Variants in PDZD4 observed in about 807,000 individuals in gnomAD.
PDZD4 encodes the protein PDZ domain containing 4.
A neutral mutation model predicts 38.5 loss-of-function variants in PDZD4; 9 were observed. That is an observed-to-expected ratio of 0.23 (90% CI 0.14 to 0.41). The LOEUF (loss-of-function observed/expected upper bound fraction) is 0.41, where lower values mean the gene tolerates loss of function less well. Among genes scored for constraint, PDZD4 ranks in the 10% least tolerant of loss-of-function variants. The pLI, the probability that PDZD4 is intolerant of heterozygous loss-of-function variation, is 1.00. For missense variants in PDZD4, 612 were observed against 722.0 expected, an observed-to-expected ratio of 0.85 and a Z score of 1.75; for synonymous variants, 349 against 315.7, an observed-to-expected ratio of 1.11 and a Z score of -1.12.
At chrX:153,818,362 T>C (rs2064383613) in intron 1 of PDZD4, among the ~76,000 whole-genome samples, 2 of 110,701 alleles carry the variant, frequency 1.8e-5, no homozygotes, top group African/African-American at 3.3e-5. Flanking sequence ...CACCTGAGCA[T>C]TGGGAGGTCA....
At chrX:153,810,713 G>A (rs1366651926) in intron 1 of PDZD4, among the ~76,000 whole-genome samples, 1 of 112,429 alleles carries the variant, frequency 8.9e-6, no homozygotes, top group Non-Finnish European at 1.9e-5. Flanking sequence ...CTTAGTGCCC[G>A]CGATACAGTA....
rs2092193910 is a variant in PDZD4, at chrX:153,803,932, C to T, written c.1749G>A (p.Glu583=). 1 of 1,171,667 alleles carries T rather than the reference C, an allele frequency of 8.5e-7. No individual in the cohort carries two copies. ...GCACGCAGCTGTGGTAGTGCTCGCC[C>T]TCCTGGCCCTGGCCGCGGTGGCGCC... ...LSRRHRGQGQ[E]GEHYHSCVQL... Residue 583 remains glutamate (E), a synonymous_variant, in exon 8 of 8, where the codon GAG becomes GAA. Transcript: ENST00000393758.
At chrX:153,818,301 C>T (rs2064382973) in intron 1 of PDZD4, among the ~76,000 whole-genome samples, 2 of 109,362 alleles carry the variant, frequency 1.8e-5, no homozygotes, top group Middle Eastern at 4.6e-3. Context: ...TCCTGTAGCC[C>T]CAAGTGGTGG....
chrX:153,827,111 G>A (rs1259538773), intron 1 of PDZD4, among the ~76,000 whole-genome samples: 4 of 111,947 alleles, frequency 3.6e-5, no homozygotes, highest in Non-Finnish European at 5.6e-5. Context: ...GCAGTGTGGC[G>A]CTGGCTTAAG....
At chrX:153,828,037 T>A (rs1036821567) in intron 1 of PDZD4, among the ~76,000 whole-genome samples, 2 of 110,338 alleles carry the variant, frequency 1.8e-5, no homozygotes, top group Non-Finnish European at 3.8e-5. Flanking sequence ...GCCCATGAAG[T>A]GCCTCACCCT....
chrX:153,830,290 A>G lies in PDZD4; in HGVS notation c.9T>C (p.Cys3=). The change falls in exon 1 of 8, where the codon TGT becomes TGC. Residue 3 remains cysteine, a synonymous_variant. Transcript: ENST00000393758. The part of the protein sequence containing the change: MG[C]NMCVVQKPEE... Reference sequence around the variant, plus strand: ...CCGGTTTCTGGACCACGCACATATTACATCCCATGTTGCTGGCCGGCGAGA... The same window carrying G: ...CCGGTTTCTGGACCACGCACATATTGCATCCCATGTTGCTGGCCGGCGAGA... The G allele has an allele frequency of 8.3e-7, 1 of 1,198,178 alleles. No individual in the cohort carries two copies. The highest frequency in any genetic ancestry group is 1.1e-6 in the Non-Finnish European group (1 of 888,505).
At position 153,806,778 on chromosome X, in the gene PDZD4, C is replaced by T. The variant is rs139521573; in HGVS notation, c.468G>A (p.Thr156=). Residue 156 remains threonine (T), a synonymous_variant, in exon 4 of 8, where the codon ACG becomes ACA. Transcript: ENST00000393758. Reference sequence around the variant, plus strand: ...AAATGCCCAGGTCCTCCTCGTCGTCCGTGCGGTAGCAAACCATCAGGCCCA... The same window carrying T: ...AAATGCCCAGGTCCTCCTCGTCGTCTGTGCGGTAGCAAACCATCAGGCCCA... The part of the protein sequence containing the change: ...DKLGLMVCYR[T]DDEEDLGIYV... 3.3e-4 allele frequency: 403 copies of T among 1,209,405 alleles called. 2 individuals carry two copies. In the African/African-American group the frequency reaches 6.0e-3, roughly 18 times the overall value.
At chrX:153,805,418 C>T (rs2064237367) in intron 6 of PDZD4, 87 bp downstream of exon 6, 15 of 371,085 alleles carry the variant, frequency 4.0e-5, no homozygotes, top group Non-Finnish European at 6.7e-5. Flanking sequence ...AGGTCGTTGG[C>T]ACATCTGTGC....
chrX:153,829,131 G>A (rs376603488), intron 1 of PDZD4, among the ~76,000 whole-genome samples: 1 of 111,274 alleles, frequency 9.0e-6, no homozygotes, highest in Admixed American at 9.4e-5. Context: ...CAGGTGGCCA[G>A]AGGAGCTCGG....
intron 1 of PDZD4, among the ~76,000 whole-genome samples, chrX:153,819,066 C>T (rs1211023313): frequency 8.9e-6 from 1 of 112,679 alleles, no homozygotes; most frequent in African/African-American, 3.2e-5. Flanking sequence ...CAGGCGCGCT[C>T]GCCCCGCCCC....
chrX:153,829,667 A>G, intron 1 of PDZD4: 3 of 739,537 alleles, frequency 4.1e-6, no homozygotes, highest in Non-Finnish European at 4.8e-6. Flanking sequence ...CACGCCCCGC[A>G]AAGCCCGGCC....
intron 1 of PDZD4, among the ~76,000 whole-genome samples, chrX:153,814,971 C>CG (rs2064346960): frequency 8.9e-6 from 1 of 112,615 alleles, no homozygotes; most frequent in Non-Finnish European, 1.9e-5. Context: ...TTCAAATAAT[C>CG]GAAGTGCTCA....
intron 1 of PDZD4, among the ~76,000 whole-genome samples, chrX:153,822,188 A>C (rs2064432091): frequency 6.6e-5 from 1 of 15,223 alleles, no homozygotes; most frequent in African/African-American, 1.9e-4. Context: ...CTCTGTCTCA[A>C]AAAAAAAAAA....
At position 153,804,664 on chromosome X, in the gene PDZD4, A is replaced by G; in HGVS notation, c.1017T>C (p.Ser339=). The G allele has an allele frequency of 8.3e-7, 1 of 1,203,792 alleles. No individual in the cohort carries two copies. Among genetic ancestry groups the G allele is most frequent in the African/African-American group, 1.7e-5 (1 of 57,636 alleles). Residue 339 remains serine, a synonymous_variant, in exon 8 of 8, where the codon TCT becomes TCC. Coordinates refer to ENST00000393758, the MANE Select transcript of PDZD4 (RefSeq NM_001303512.2). ...CCAGCCCCGCCCCCTCGGCCAGCAGAGAGTCCATGCTGAAATGGAAGTCCC... is the reference window on the plus strand; with the variant it reads ...CCAGCCCCGCCCCCTCGGCCAGCAGGGAGTCCATGCTGAAATGGAAGTCCC... ...QSRDFHFSMD[S]LLAEGAGLGG...
At chrX:153,808,263 GGGTGGCGTGCGGATGGCCGCTCCA>G (rs1339811625) in intron 2 of PDZD4, 55 bp downstream of exon 2, 73 of 1,116,142 alleles carry the variant, frequency 6.5e-5, no homozygotes, top group Non-Finnish European at 7.4e-5. Context: ...CTGCCCGAGA[GGGTGGCGTGCGGATGGCCGCTCCA>G]GGTGGCCTGT....
At position 153,804,514 on chromosome X, in the gene PDZD4, G is replaced by A; in HGVS notation, c.1167C>T (p.Gly389=). 1 of 1,209,813 alleles carries A rather than the reference G, an allele frequency of 8.3e-7. No homozygotes were observed. The highest frequency in any genetic ancestry group is 1.1e-6 in the Non-Finnish European group (1 of 895,346). ...LGLLFPRASG[G]NSALDVNRNE... is the part of the protein sequence containing the mutation. ...TGCGGTTGACGTCCAGGGCGCTGTT[G>A]CCTCCGGAGGCCCGGGGAAAGAGGA... Residue 389 remains glycine, a synonymous_variant, in exon 8 of 8, where the codon GGC becomes GGT. Coordinates refer to ENST00000393758, the MANE Select transcript of PDZD4 (RefSeq NM_001303512.2).
chrX:153,814,480 A>AT (rs1286305295), intron 1 of PDZD4, among the ~76,000 whole-genome samples: 5 of 53,850 alleles, frequency 9.3e-5, no homozygotes, highest in Non-Finnish European at 1.6e-4. Context: ...TCCACCCCCC[A>AT]CCCCCCCCCC....
At chrX:153,829,563 A>T (rs2064519132) in intron 1 of PDZD4, 1 of 251,992 alleles carries the variant, frequency 4.0e-6, no homozygotes, top group Non-Finnish European at 5.5e-6. Context: ...CGCCACGCAC[A>T]GGCAAGAAGC....
intron 1 of PDZD4, among the ~76,000 whole-genome samples, chrX:153,817,369 C>T (rs181336793): frequency 3.6e-5 from 4 of 112,042 alleles, no homozygotes; most frequent in Non-Finnish European, 7.5e-5. Context: ...AACCAAGACT[C>T]GGAGGCAACC....
Sources: allele counts gnomAD v4.1 joint callset (sites outside exome capture counted in the v4.1 genomes callset), GRCh38; gene constraint gnomAD v4.1.1; transcripts MANE v1.5; gene names NCBI Gene and HGNC (gene_info 2026-07-23, HGNC 2026-07-21).